SYBU: variants seen among roughly 807,000 people sequenced by gnomAD.
The protein encoded by SYBU is GOLSYN A protein.
A neutral mutation model predicts 35.9 loss-of-function variants in SYBU; 21 were observed. The observed-to-expected ratio is 0.58, with a 90% CI of 0.41 to 0.84. SYBU has a LOEUF of 0.84. Ranked by LOEUF, SYBU falls within the 40% of genes least tolerant of loss-of-function variation. SYBU has a pLI of 0.00. For synonymous variants in SYBU, 319 were observed against 324.3 expected, an observed-to-expected ratio of 0.98 and a Z score of 0.18; for missense variants, 768 against 848.2, an observed-to-expected ratio of 0.91 and a Z score of 1.17.
At chr8:109,590,765 T>TAGA (rs1554612963) in intron 3 of SYBU, among the ~76,000 whole-genome samples, 10 of 88,316 alleles carry the variant, frequency 1.1e-4, no homozygotes, top group African/African-American at 8.1e-4. Context: ...CTCATAAAAT[T>TAGA]AGAAAAAAAA....
chr8:109,640,201 T>C (rs1814698763), intron 2 of SYBU, among the ~76,000 whole-genome samples: 1 of 152,204 alleles, frequency 6.6e-6, no homozygotes, highest in Admixed American at 6.5e-5. Flanking sequence ...CTTTCGATTT[T>C]CATGTACAGC....
chr8:109,653,373 T>G (rs1422397504), intron 1 of SYBU, among the ~76,000 whole-genome samples: 2 of 152,152 alleles, frequency 1.3e-5, no homozygotes, highest in South Asian at 4.1e-4. Flanking sequence ...CAAATGGATC[T>G]ATATCTCCCA....
At chr8:109,673,961 C>A (rs142965883) in intron 1 of SYBU, among the ~76,000 whole-genome samples, 1 of 151,966 alleles carries the variant, frequency 6.6e-6, no homozygotes, top group Non-Finnish European at 1.5e-5. Flanking sequence ...TGAAATAAAG[C>A]ATGAAGACAA....
intron 1 of SYBU, among the ~76,000 whole-genome samples, chr8:109,650,042 C>A (rs866529684): frequency 6.6e-6 from 1 of 152,092 alleles, no homozygotes; most frequent in Non-Finnish European, 1.5e-5. Flanking sequence ...CCTTCCTTCC[C>A]CAAGAAACCA....
At chr8:109,598,613 C>T (rs934144941) in intron 3 of SYBU, among the ~76,000 whole-genome samples, 5 of 152,190 alleles carry the variant, frequency 3.3e-5, no homozygotes, top group East Asian at 1.9e-4. Flanking sequence ...TACTTATCCA[C>T]GTGTTTGGTA....
At chr8:109,613,267 C>T (rs953441791) in intron 3 of SYBU, among the ~76,000 whole-genome samples, 2 of 152,196 alleles carry the variant, frequency 1.3e-5, no homozygotes, top group African/African-American at 2.4e-5. Context: ...ATGAAGTGCA[C>T]AGAATGTGTG....
intron 1 of SYBU, among the ~76,000 whole-genome samples, chr8:109,662,052 T>C (rs1816584307): frequency 6.6e-6 from 1 of 152,176 alleles, no homozygotes; most frequent in Non-Finnish European, 1.5e-5. Flanking sequence ...TTTTTAAAAT[T>C]CTCCCCCAAT....
Position 109,574,879 on chromosome 8 carries a change from T to A in SYBU, c.*27A>T, listed in dbSNP as rs1165376453. 3 of 1,510,380 alleles carry A rather than the reference T, an allele frequency of 2.0e-6. No individual in the cohort carries two copies. The highest frequency in any genetic ancestry group is 2.7e-6 in the Non-Finnish European group (3 of 1,129,470). The allele number at this position is 1,510,380 out of a possible 1,614,324, so 93.6% of individuals were successfully genotyped here. ...CCTGGCACAACCCACATGGGACACA[T>A]TGGCACACGGTAACAACAACTTCTA... On this transcript the variant is annotated 3_prime_UTR_variant, in exon 7 of 7. Coordinates refer to ENST00000276646, the MANE Select transcript of SYBU (RefSeq NM_001099754.2).
At chr8:109,617,134 A>C (rs943429002) in intron 3 of SYBU, among the ~76,000 whole-genome samples, 1 of 84,248 alleles carries the variant, frequency 1.2e-5, no homozygotes, top group Admixed American at 1.0e-4. Context: ...AATCTGTCTC[A>C]AAAAAAAAAA....
chr8:109,608,741 C>T (rs373705713), intron 3 of SYBU, among the ~76,000 whole-genome samples: 1 of 152,074 alleles, frequency 6.6e-6, no homozygotes, highest in East Asian at 1.9e-4. Context: ...TTGTGCTATT[C>T]GTAAACTTTT....
At chr8:109,620,599 T>A (rs1010378586) in intron 2 of SYBU, among the ~76,000 whole-genome samples, 1 of 152,202 alleles carries the variant, frequency 6.6e-6, no homozygotes, top group African/African-American at 2.4e-5. Flanking sequence ...CTTTTTGGTC[T>A]ATCAGCATAC....
chr8:109,587,617 C>A (rs1823773348), intron 3 of SYBU, among the ~76,000 whole-genome samples: 1 of 152,178 alleles, frequency 6.6e-6, no homozygotes, highest in Non-Finnish European at 1.5e-5. Flanking sequence ...GAACAGATTT[C>A]TCTTTCTGAT....
At chr8:109,683,987 A>T (rs761525413), upstream of SYBU, among the ~76,000 whole-genome samples, 3 of 152,146 alleles carry the variant, frequency 2.0e-5, no homozygotes, top group East Asian at 5.8e-4. Flanking sequence ...GCCATGTGTA[A>T]CTGTGAGTCA....
chr8:109,583,177 G>A (rs1432110961), intron 4 of SYBU, among the ~76,000 whole-genome samples: 1 of 152,020 alleles, frequency 6.6e-6, no homozygotes, highest in African/African-American at 2.4e-5. Flanking sequence ...TTTTACCAAC[G>A]CTTTCACTAA....
In SYBU at chr8:109,676,265, T is replaced by C. The variant is rs557675407; in HGVS notation, c.-129+4446A>G. Among the ~76,000 whole-genome samples, 5 of 152,220 alleles carry C rather than the reference T, an allele frequency of 3.3e-5. No individual in the cohort carries two copies. The East Asian group carries it at 5.8e-4, about 18-fold the overall frequency. On this transcript the variant is annotated intron_variant, in intron 1 of 5. Coordinates refer to the SYBU transcript ENST00000408889. ...CCTCCGTCATCACTCCTATTCAACATAGTGTTGGAAGTTATGGCTGGGGCA... is the reference window on the plus strand; with the variant it reads ...CCTCCGTCATCACTCCTATTCAACACAGTGTTGGAAGTTATGGCTGGGGCA...
chr8:109,676,170 C>T (rs1398217209), intron 1 of SYBU, among the ~76,000 whole-genome samples: 2 of 152,094 alleles, frequency 1.3e-5, no homozygotes, highest in African/African-American at 2.4e-5. Flanking sequence ...ATGACAAACC[C>T]ACAGCCAATA....
rs186199751 is a variant in SYBU, at chr8:109,587,246, G to T, written c.428-1084C>A. Among the ~76,000 whole-genome samples, 20 of 152,278 alleles carry T rather than the reference G, an allele frequency of 1.3e-4. No homozygotes were observed. The East Asian group carries it at 3.7e-3, about 28-fold the overall frequency. The stretch of plus-strand genomic sequence containing the variant: ...CTAATCCTTGATTTTCTAACAAGCA[G>T]TGAACAATAATTATCATAACAATGG... On this transcript the variant is annotated intron_variant, in intron 3 of 6. Coordinates refer to ENST00000276646, the MANE Select transcript of SYBU (RefSeq NM_001099754.2).
At chr8:109,655,132 C>T (rs566076484) in intron 1 of SYBU, among the ~76,000 whole-genome samples, 4 of 152,322 alleles carry the variant, frequency 2.6e-5, no homozygotes, top group Admixed American at 6.5e-5. Context: ...TGATTTAATC[C>T]TTGCATTCCG....
intron 3 of SYBU, among the ~76,000 whole-genome samples, chr8:109,587,538 A>G (rs1343611271): frequency 6.6e-6 from 1 of 152,178 alleles, no homozygotes; most frequent in Admixed American, 6.5e-5. Flanking sequence ...GAAACTATAC[A>G]TTACCATCTC....
Sources: gnomAD v4.1 joint callset for allele counts (sites outside exome capture counted in the v4.1 genomes callset) on GRCh38, gnomAD v4.1.1 for gene constraint, MANE v1.5 for transcripts, NCBI Gene and HGNC (gene_info 2026-07-23, HGNC 2026-07-21) for gene names.